Variants in ARMH3 observed in about 807,000 individuals in gnomAD.
ARMH3 encodes armadillo like helical domain containing 3.
ARMH3 carries 60 observed loss-of-function variants against 99.1 expected under a neutral mutation model. The observed-to-expected ratio is 0.61, with a 90% CI of 0.49 to 0.75. The LOEUF is 0.75. ARMH3 is among the 30% of genes least tolerant of loss of function. The pLI is 0.00. For missense variants in ARMH3, 679 were observed against 843.1 expected (o/e 0.81, Z 2.41); for synonymous variants, 285 against 292.8 (o/e 0.97, Z 0.27).
At chr10:101,876,396 G>C (rs138202545) in intron 24 of ARMH3, among the ~76,000 whole-genome samples, 2 of 152,034 alleles carry the variant, frequency 1.3e-5, no homozygotes, top group African/African-American at 4.8e-5. Context: ...AAGGGAGAGA[G>C]AAAACATTGT....
chr10:101,992,595 G>A (rs1429875284), intron 17 of ARMH3, among the ~76,000 whole-genome samples: 5 of 150,888 alleles, frequency 3.3e-5, no homozygotes, highest in Non-Finnish European at 5.9e-5. Flanking sequence ...TCCTGGATTC[G>A]CGCCATTCTC....
intron 24 of ARMH3, among the ~76,000 whole-genome samples, chr10:101,860,926 C>T (rs775966853): frequency 2.0e-5 from 3 of 152,032 alleles, no homozygotes; most frequent in Non-Finnish European, 2.9e-5. Flanking sequence ...TGAATAAAGT[C>T]CAATATAATT....
At position 101,986,474 on chromosome 10, in the gene ARMH3, A is replaced by ACCT. The variant is rs1846510623; in HGVS notation, c.1406+4074_1406+4076dup. 2.0e-5 allele frequency among the ~76,000 whole-genome samples: 3 copies of ACCT among 149,086 alleles called. No homozygotes were observed. In the South Asian group the frequency reaches 6.4e-4, roughly 32 times the overall value. ...TTTTTTTTTTTTCTTCAGTATAAGC[A>ACCT]CCTTCCCCCATCATTACCTACAGCA... On this transcript the variant is annotated intron_variant, in intron 19 of 25. Coordinates refer to ENST00000370033, the MANE Select transcript of ARMH3 (RefSeq NM_024541.3).
intron 24 of ARMH3, among the ~76,000 whole-genome samples, chr10:101,854,259 T>C (rs2066679876): frequency 6.6e-6 from 1 of 152,198 alleles, no homozygotes; most frequent in Non-Finnish European, 1.5e-5. Flanking sequence ...AAATGGAACT[T>C]GAACTCACCT....
intron 13 of ARMH3, among the ~76,000 whole-genome samples, chr10:102,007,990 T>A (rs2066544100): frequency 6.6e-6 from 1 of 152,150 alleles, no homozygotes; most frequent in African/African-American, 2.4e-5. Flanking sequence ...CCCTAACCTT[T>A]CTTAGCCATC....
At chr10:101,901,408 A>C (rs1445182922) in intron 23 of ARMH3, among the ~76,000 whole-genome samples, 2 of 152,110 alleles carry the variant, frequency 1.3e-5, no homozygotes, top group African/African-American at 2.4e-5. Flanking sequence ...CAAAGTAATT[A>C]AGCAAACGAA....
chr10:101,930,193 A>T (rs189815491), intron 23 of ARMH3, among the ~76,000 whole-genome samples: 46 of 152,264 alleles, frequency 3.0e-4, no homozygotes, highest in Admixed American at 4.6e-4. Context: ...ACGTTTTATC[A>T]ATAGAATAAG....
intron 1 of ARMH3, among the ~76,000 whole-genome samples, chr10:102,050,471 C>T (rs531360448): frequency 4.6e-5 from 7 of 151,834 alleles, no homozygotes; most frequent in African/African-American, 1.7e-4. Context: ...TAAATAAATA[C>T]ATACATACAT....
intron 23 of ARMH3, among the ~76,000 whole-genome samples, chr10:101,901,877 GTC>G (rs1371658801): frequency 2.0e-5 from 3 of 152,216 alleles, no homozygotes; most frequent in African/African-American, 7.2e-5. Context: ...GAAGTTGATA[GTC>G]TCTCTGAAAA....
chr10:101,892,451 C>T (rs551427248), intron 23 of ARMH3, among the ~76,000 whole-genome samples: 1 of 152,176 alleles, frequency 6.6e-6, no homozygotes, highest in Admixed American at 6.5e-5. Flanking sequence ...ATAACGAGAC[C>T]TTCTCTCAAA....
At chr10:101,900,568 A>C (rs2067948943) in intron 23 of ARMH3, among the ~76,000 whole-genome samples, 1 of 152,242 alleles carries the variant, frequency 6.6e-6, no homozygotes, top group African/African-American at 2.4e-5. Context: ...GAAATATTTT[A>C]ATTACACCTC....
chr10:101,858,503 G>C (rs1422966252), intron 24 of ARMH3, among the ~76,000 whole-genome samples: 1 of 152,186 alleles, frequency 6.6e-6, no homozygotes, highest in African/African-American at 2.4e-5. Flanking sequence ...CTTTTGCCTT[G>C]ATATGACCCT....
intron 2 of ARMH3, among the ~76,000 whole-genome samples, chr10:102,037,905 T>TC (rs2067314157): frequency 6.6e-6 from 1 of 151,792 alleles, no homozygotes; most frequent in Non-Finnish European, 1.5e-5. Flanking sequence ...ATGGATTCTA[T>TC]CTATCACTTT....
chr10:102,027,278 C>CAAAAAAAA (rs1228063848), intron 5 of ARMH3, among the ~76,000 whole-genome samples: 1 of 56,510 alleles, frequency 1.8e-5, no homozygotes. Context: ...GATTCCGTCT[C>CAAAAAAAA]AAAAAAAAAA....
chr10:101,934,910 C>A (rs1019600381), intron 23 of ARMH3, among the ~76,000 whole-genome samples: 2 of 151,980 alleles, frequency 1.3e-5, no homozygotes, highest in Non-Finnish European at 2.9e-5. Context: ...AGTCTTCAGA[C>A]AAAAGTTTCC....
intron 19 of ARMH3, among the ~76,000 whole-genome samples, chr10:101,976,512 G>A (rs1157712248): frequency 6.6e-6 from 1 of 151,470 alleles, no homozygotes; most frequent in African/African-American, 2.4e-5. Context: ...TAATCAATTA[G>A]GCGCCACTGA....
intron 8 of ARMH3, among the ~76,000 whole-genome samples, chr10:102,019,375 C>A (rs1349733800): frequency 6.6e-6 from 1 of 151,500 alleles, no homozygotes. Context: ...TTGTTATTTT[C>A]TAGTGTACTC....
At chr10:101,979,400 T>C (rs1846139134) in intron 19 of ARMH3, among the ~76,000 whole-genome samples, 2 of 152,224 alleles carry the variant, frequency 1.3e-5, no homozygotes, top group Non-Finnish European at 2.9e-5. Flanking sequence ...TTCATTTATA[T>C]AAAATGTCCA....
chr10:101,973,861 A>G (rs994882327), intron 20 of ARMH3, among the ~76,000 whole-genome samples: 2 of 152,202 alleles, frequency 1.3e-5, no homozygotes, highest in African/African-American at 4.8e-5. Flanking sequence ...CTTATTATAA[A>G]TCCAACAACT....
Sources: allele counts gnomAD v4.1 joint callset (sites outside exome capture counted in the v4.1 genomes callset), GRCh38; gene constraint gnomAD v4.1.1; transcripts MANE v1.5; gene names NCBI Gene and HGNC (gene_info 2026-07-23, HGNC 2026-07-21).